The following PKN2 variants were observed in gnomAD, a reference collection of about 807,000 sequenced individuals.
PKN2 encodes the protein serine/threonine-protein kinase N2.
Under a neutral mutation model 119.1 loss-of-function variants are expected in PKN2, and 38 were observed. The observed-to-expected ratio is 0.32, with a 90% CI of 0.25 to 0.42. The LOEUF (loss-of-function observed/expected upper bound fraction) is 0.42, where lower values mean the gene tolerates loss of function less well. Ranked by LOEUF, PKN2 falls within the 10% of genes least tolerant of loss-of-function variation. The pLI is 1.00. For missense variants in PKN2, 850 were observed against 1,165.1 expected (o/e 0.73, Z 3.94); for synonymous variants, 390 against 384.9 (o/e 1.01, Z -0.15).
chr1:88,803,779 C>T (rs1671427336), intron 8 of PKN2, among the ~76,000 whole-genome samples: 1 of 152,086 alleles, frequency 6.6e-6, no homozygotes, highest in African/African-American at 2.4e-5. Flanking sequence ...AAATGAATAT[C>T]TTTCTGTATA....
chr1:88,773,853 G>A (rs1669986455), intron 6 of PKN2, among the ~76,000 whole-genome samples: 1 of 152,122 alleles, frequency 6.6e-6, no homozygotes, highest in Non-Finnish European at 1.5e-5. Flanking sequence ...GGTAACTACT[G>A]AGAGGTAGGT....
intron 1 of PKN2, among the ~76,000 whole-genome samples, chr1:88,739,766 T>C (rs1668503360): frequency 6.6e-6 from 1 of 152,250 alleles, no homozygotes; most frequent in African/African-American, 2.4e-5. Context: ...CTTTAGTTGT[T>C]GTAAATATAG....
rs1465161995 is a variant in PKN2 at position 88,820,179 on chromosome 1, CCTATAT to C, written c.2280-1761_2280-1756del. On this transcript the variant is annotated intron_variant, in intron 16 of 21. Coordinates refer to ENST00000370521, the MANE Select transcript of PKN2 (RefSeq NM_006256.4). Reference sequence around the variant, plus strand: ...TAAATCAAACAAATCTTTTCAGAAACCTATATATATATATATATATATATATATATA... The same window carrying C: ...TAAATCAAACAAATCTTTTCAGAAACATATATATATATATATATATATATA... Among the ~76,000 whole-genome samples the C allele has an allele frequency of 4.6e-5, 3 of 65,476 alleles. No homozygotes were observed. The East Asian group carries it at 1.4e-3, about 30-fold the overall frequency. 43.0% of individuals were successfully genotyped at this position (65,476 alleles called of 152,430 possible).
At chr1:88,710,585 A>G (rs967986899) in intron 1 of PKN2, among the ~76,000 whole-genome samples, 1 of 152,230 alleles carries the variant, frequency 6.6e-6, no homozygotes, top group African/African-American at 2.4e-5. Context: ...AGAAATGCAA[A>G]TCAAAACCAC....
At chr1:88,806,128 A>G (rs1671527715) in intron 12 of PKN2, 111 bp downstream of exon 12, 3 of 944,572 alleles carry the variant, frequency 3.2e-6, no homozygotes, top group Middle Eastern at 2.4e-4. Flanking sequence ...TGAACTGTGA[A>G]TTTATGGTTT....
chr1:88,688,862 T>C (rs997757785), intron 1 of PKN2, among the ~76,000 whole-genome samples: 11 of 152,248 alleles, frequency 7.2e-5, no homozygotes, highest in Non-Finnish European at 1.5e-5. Context: ...TCTAGGTTAT[T>C]TTAAGAGAAG....
intron 1 of PKN2, among the ~76,000 whole-genome samples, chr1:88,711,135 C>G (rs1006340224): frequency 2.6e-5 from 4 of 151,986 alleles, no homozygotes; most frequent in Non-Finnish European, 5.9e-5. Context: ...ACACTGGAGC[C>G]TTTTGGAGGG....
intron 16 of PKN2, among the ~76,000 whole-genome samples, chr1:88,820,896 G>C (rs982174229): frequency 2.0e-5 from 3 of 152,138 alleles, no homozygotes; most frequent in Admixed American, 1.3e-4. Context: ...TGTTCAATAA[G>C]CCTATCATGT....
intron 1 of PKN2, among the ~76,000 whole-genome samples, chr1:88,705,496 C>T (rs1666957375): frequency 6.6e-6 from 1 of 151,618 alleles, no homozygotes; most frequent in Non-Finnish European, 1.5e-5. Flanking sequence ...AGATCGAGAC[C>T]ATCCTGCTAA....
intron 6 of PKN2, among the ~76,000 whole-genome samples, chr1:88,778,388 C>G (rs911675274): frequency 6.6e-6 from 1 of 152,224 alleles, no homozygotes; most frequent in Admixed American, 6.5e-5. Flanking sequence ...TGAGCACTCA[C>G]CCAGACACTT....
chr1:88,809,816 T>C (rs1294702544), intron 15 of PKN2, among the ~76,000 whole-genome samples: 1 of 152,154 alleles, frequency 6.6e-6, no homozygotes, highest in Non-Finnish European at 1.5e-5. Flanking sequence ...GGTCTTGGTA[T>C]GTTGTCCAGG....
At chr1:88,780,426 T>C (rs1376078414) in intron 6 of PKN2, among the ~76,000 whole-genome samples, 2 of 152,210 alleles carry the variant, frequency 1.3e-5, no homozygotes, top group Non-Finnish European at 2.9e-5. Context: ...TTCTTTCATA[T>C]TGATAACTAT....
At chr1:88,735,968 A>G (rs780834792) in intron 1 of PKN2, among the ~76,000 whole-genome samples, 11 of 152,028 alleles carry the variant, frequency 7.2e-5, no homozygotes, top group Non-Finnish European at 1.2e-4. Flanking sequence ...AGTAACCCAA[A>G]TATTTGCTCT....
At chr1:88,821,297 A>T (rs989317300) in intron 16 of PKN2, among the ~76,000 whole-genome samples, 4 of 152,198 alleles carry the variant, frequency 2.6e-5, no homozygotes, top group Admixed American at 2.6e-4. Flanking sequence ...ATATGATAAA[A>T]GCCTTATCTG....
intron 1 of PKN2, among the ~76,000 whole-genome samples, chr1:88,692,583 G>C (rs542007990): frequency 6.6e-6 from 1 of 152,184 alleles, no homozygotes; most frequent in South Asian, 2.1e-4. Flanking sequence ...TTGCCTTATT[G>C]TGGTCTTGAT....
At chr1:88,805,445 G>T in intron 10 of PKN2, 52 bp from the exon 11 acceptor site, 3 of 1,383,792 alleles carry the variant, frequency 2.2e-6, no homozygotes, top group South Asian at 1.4e-5. Flanking sequence ...TATGACTTTT[G>T]GTTATACATA....
intron 8 of PKN2, among the ~76,000 whole-genome samples, chr1:88,789,142 A>T (rs1397169205): frequency 1.3e-5 from 2 of 152,188 alleles, no homozygotes; most frequent in Non-Finnish European, 2.9e-5. Context: ...AAGAGAGTAT[A>T]GAAGCAGTTA....
intron 19 of PKN2, chr1:88,829,343 C>T: frequency 2.0e-6 from 1 of 507,686 alleles, no homozygotes. Flanking sequence ...AACAGCTCCA[C>T]CGAGATTCCT....
chr1:88,762,522 T>C (rs1009992983), intron 3 of PKN2, among the ~76,000 whole-genome samples: 3 of 152,218 alleles, frequency 2.0e-5, no homozygotes, highest in African/African-American at 7.2e-5. Context: ...TTATGTGGAA[T>C]ATTAATTTAT....
Sources: gnomAD v4.1 joint callset for allele counts (sites outside exome capture counted in the v4.1 genomes callset) on GRCh38, gnomAD v4.1.1 for gene constraint, MANE v1.5 for transcripts, NCBI Gene and HGNC (gene_info 2026-07-23, HGNC 2026-07-21) for gene names.